The following ZNRF3 variants were observed in gnomAD, a reference collection of about 807,000 sequenced individuals.
The protein encoded by ZNRF3 is zinc and ring finger 3.
ZNRF3 carries 23 observed loss-of-function variants against 72.5 expected under a neutral mutation model. The observed-to-expected ratio is 0.32, with a 90% CI of 0.23 to 0.45. The LOEUF (loss-of-function observed/expected upper bound fraction) is 0.45. Ranked by LOEUF, ZNRF3 falls within the 20% of genes least tolerant of loss-of-function variation. The pLI, the probability that ZNRF3 is intolerant of heterozygous loss-of-function variation, is 1.00. For missense variants in ZNRF3, 1,169 were observed against 1,272.1 expected (o/e 0.92, Z 1.23); for synonymous variants, 610 against 545.3 (o/e 1.12, Z -1.65).
At chr22:28,923,441 T>C (rs1318034887) in intron 1 of ZNRF3, among the ~76,000 whole-genome samples, 2 of 152,104 alleles carry the variant, frequency 1.3e-5, no homozygotes, top group African/African-American at 2.4e-5. Flanking sequence ...CTCAAACGGC[T>C]TTTTTTCCTT....
rs2037211962 is a variant in ZNRF3, at chr22:29,051,826, A to G, written c.2767+878A>G. Reference sequence around the variant, plus strand: ...AGGCTGAGGCAGGAGAATCGCCTGAACCTGGGAGGCGGAGGTTGCAGTGAG... The same window carrying G: ...AGGCTGAGGCAGGAGAATCGCCTGAGCCTGGGAGGCGGAGGTTGCAGTGAG... On this transcript the variant is annotated intron_variant, in intron 8 of 8. Transcript: ENST00000544604. Among the ~76,000 whole-genome samples, 3 of 147,786 alleles carry G rather than the reference A, an allele frequency of 2.0e-5. 1 individual carries two copies. In the South Asian group the frequency reaches 6.6e-4, roughly 32 times the overall value.
intron 1 of ZNRF3, 86 bp downstream of exon 1, chr22:28,884,152 C>A: frequency 2.0e-6 from 2 of 995,638 alleles, no homozygotes. Flanking sequence ...CGCGGGCTGC[C>A]TGACTGGCGG....
chr22:28,959,537 TAAATA>T (rs2035320288), intron 1 of ZNRF3, among the ~76,000 whole-genome samples: 1 of 152,266 alleles, frequency 6.6e-6, no homozygotes. Context: ...GCCATTTTTG[TAAATA>T]AAATCAGGAA....
At chr22:29,007,502 G>T (rs1169920362) in intron 2 of ZNRF3, among the ~76,000 whole-genome samples, 1 of 151,672 alleles carries the variant, frequency 6.6e-6, no homozygotes, top group Non-Finnish European at 1.5e-5. Flanking sequence ...AACTAGCTGG[G>T]CCTGGTGGCA....
chr22:28,914,893 T>C (rs2034383197), intron 1 of ZNRF3, among the ~76,000 whole-genome samples: 1 of 152,108 alleles, frequency 6.6e-6, no homozygotes, highest in African/African-American at 2.4e-5. Flanking sequence ...CCTGGGACAT[T>C]CAGCCTTTTG....
At chr22:28,888,128 A>G (rs571710701) in intron 1 of ZNRF3, among the ~76,000 whole-genome samples, 1 of 152,312 alleles carries the variant, frequency 6.6e-6, no homozygotes, top group Non-Finnish European at 1.5e-5. Flanking sequence ...ACATTTAAGA[A>G]CTAAGTCAGT....
Position 28,906,412 on chromosome 22 carries a change from G to T in ZNRF3, c.300+22346G>T, listed in dbSNP as rs879135966. Among the ~76,000 whole-genome samples, 7 of 152,322 alleles carry T rather than the reference G, an allele frequency of 4.6e-5. 1 individual carries two copies. Among genetic ancestry groups the T allele is most frequent in the Admixed American group, 4.6e-4 (7 of 15,302 alleles). On this transcript the variant is annotated intron_variant, in intron 1 of 8. Transcript: ENST00000544604. Reference sequence around the variant, plus strand: ...TGACCAGATTCTTGCCATGTAAGGGGCATAGTGGTGGAGAGTACATCCCTG... The same window carrying T: ...TGACCAGATTCTTGCCATGTAAGGGTCATAGTGGTGGAGAGTACATCCCTG...
chr22:28,939,673 G>A (rs1178943134), intron 1 of ZNRF3, among the ~76,000 whole-genome samples: 3 of 151,898 alleles, frequency 2.0e-5, no homozygotes, highest in East Asian at 3.9e-4. Flanking sequence ...ACTGTTTCTC[G>A]GAGGGCAGAA....
rs1351553318 is a variant in ZNRF3, at chr22:28,987,288, G to T, written c.426+87G>T. ...AGCATTCCTCAAATAGTTGATTATG[G>T]AGAAGAGCCATGCTGGCACAGTGCT... is the stretch of plus-strand genomic sequence containing the variant. On this transcript the variant is annotated intron_variant, in intron 2 of 8. Coordinates refer to ENST00000544604, the MANE Select transcript of ZNRF3 (RefSeq NM_001206998.2). 1.0e-5 allele frequency: 16 copies of T among 1,537,794 alleles called. No homozygotes were observed. In the Admixed American group the frequency reaches 3.0e-4, roughly 29 times the overall value.
chr22:29,006,789 A>C (rs777315823), intron 2 of ZNRF3, among the ~76,000 whole-genome samples: 4 of 152,218 alleles, frequency 2.6e-5, no homozygotes, highest in Non-Finnish European at 5.9e-5. Flanking sequence ...GCAGACTTGA[A>C]GCTTCCATCA....
intron 1 of ZNRF3, among the ~76,000 whole-genome samples, chr22:28,975,507 CAAAAA>C (rs71316877): frequency 2.1e-5 from 1 of 47,858 alleles, no homozygotes; most frequent in African/African-American, 9.8e-5. Flanking sequence ...TACTCTGTCT[CAAAAA>C]AAAAAAAAAA....
chr22:28,955,777 G>A (rs2035248466), intron 1 of ZNRF3, among the ~76,000 whole-genome samples: 2 of 151,808 alleles, frequency 1.3e-5, no homozygotes, highest in South Asian at 4.2e-4. Context: ...AAAAGAGCCA[G>A]GCATGGTGGC....
At chr22:28,992,364 G>T (rs2035972179) in intron 2 of ZNRF3, among the ~76,000 whole-genome samples, 1 of 152,060 alleles carries the variant, frequency 6.6e-6, no homozygotes, top group Non-Finnish European at 1.5e-5. Context: ...CATGACAGGG[G>T]TGCTGATGCC....
At chr22:28,977,345 G>A (rs370433780) in intron 1 of ZNRF3, among the ~76,000 whole-genome samples, 89 of 152,230 alleles carry the variant, frequency 5.8e-4, no homozygotes, top group African/African-American at 2.1e-3. Context: ...TTCAGGTTCT[G>A]TTTGATTCTA....
intron 2 of ZNRF3, among the ~76,000 whole-genome samples, chr22:29,002,217 C>G (rs2036160668): frequency 6.6e-6 from 1 of 152,236 alleles, no homozygotes; most frequent in Non-Finnish European, 1.5e-5. Flanking sequence ...GGGAGAGCCA[C>G]TGCCAAATCT....
At chr22:28,991,871 G>A (rs910417933) in intron 2 of ZNRF3, among the ~76,000 whole-genome samples, 19 of 152,004 alleles carry the variant, frequency 1.2e-4, no homozygotes, top group Non-Finnish European at 2.2e-4. Context: ...ACCTGGGCAC[G>A]GTGGCTCACA....
At chr22:28,990,162 C>G (rs1309529949) in intron 2 of ZNRF3, among the ~76,000 whole-genome samples, 6 of 152,202 alleles carry the variant, frequency 3.9e-5, no homozygotes, top group Non-Finnish European at 8.8e-5. Flanking sequence ...GGGCGCATCT[C>G]TCCAGCTTTC....
intron 1 of ZNRF3, among the ~76,000 whole-genome samples, chr22:28,986,227 G>A (rs1569271239): frequency 6.6e-6 from 1 of 152,178 alleles, no homozygotes; most frequent in South Asian, 2.1e-4. Flanking sequence ...GCATTCTTAG[G>A]TCTCTTGTGT....
intron 1 of ZNRF3, among the ~76,000 whole-genome samples, chr22:28,975,528 A>C (rs1168723904): frequency 6.8e-6 from 1 of 146,404 alleles, no homozygotes; most frequent in South Asian, 2.2e-4. Context: ...AAAAAAAAAA[A>C]GAGTTCAAGA....
Sources: allele counts gnomAD v4.1 joint callset (sites outside exome capture counted in the v4.1 genomes callset), GRCh38; gene constraint gnomAD v4.1.1; transcripts MANE v1.5; gene names NCBI Gene and HGNC (gene_info 2026-07-23, HGNC 2026-07-21).